Variants in CCNB3 observed in about 807,000 individuals in gnomAD.
CCNB3 encodes G2/mitotic-specific cyclin-B3.
A neutral mutation model predicts 68.0 loss-of-function variants in CCNB3; 12 were observed. The ratio of observed to expected loss-of-function variants is 0.18; its 90% CI spans 0.11 to 0.29. The LOEUF is 0.29. Among genes scored for constraint, CCNB3 ranks in the 10% least tolerant of loss-of-function variants. The pLI, the probability that CCNB3 is intolerant of heterozygous loss-of-function variation, is 1.00. For synonymous variants in CCNB3, 354 were observed against 388.9 expected (o/e 0.91, Z 1.06); for missense variants, 904 against 993.1 (o/e 0.91, Z 1.21).
chrX:50,208,868 C>T (rs73634233), intron 1 of CCNB3, among the ~76,000 whole-genome samples: 1,196 of 111,317 alleles, frequency 0.011, 23 homozygotes, highest in African/African-American at 0.035. Context: ...CATCTGGGCC[C>T]GGAGATTACT....
chrX:50,340,817 A>G (rs968097234), intron 8 of CCNB3, among the ~76,000 whole-genome samples: 1 of 111,781 alleles, frequency 8.9e-6, no homozygotes, highest in Non-Finnish European at 1.9e-5. Flanking sequence ...AGGATACATA[A>G]GAAAAAGAAA....
chrX:50,314,241 T>C (rs1173647495), intron 8 of CCNB3, among the ~76,000 whole-genome samples: 2 of 112,143 alleles, frequency 1.8e-5, no homozygotes, highest in Non-Finnish European at 3.8e-5. Flanking sequence ...CGTTTTATCA[T>C]TCTTAAAGTC....
At chrX:50,279,368 A>C (rs1380046663) in intron 1 of CCNB3, among the ~76,000 whole-genome samples, 1 of 78,154 alleles carries the variant, frequency 1.3e-5, no homozygotes, top group Non-Finnish European at 2.2e-5. Flanking sequence ...ATTTATATGA[A>C]TATATAAATA....
At chrX:50,350,563 G>A (rs1268994708) in intron 11 of CCNB3, among the ~76,000 whole-genome samples, 1 of 111,875 alleles carries the variant, frequency 8.9e-6, no homozygotes, top group Non-Finnish European at 1.9e-5. Flanking sequence ...TGTGGAGTTG[G>A]CACCTAAACT....
At chrX:50,292,378 T>C (rs1936363978) in intron 4 of CCNB3, among the ~76,000 whole-genome samples, 1 of 110,492 alleles carries the variant, frequency 9.1e-6, no homozygotes, top group East Asian at 2.8e-4. Flanking sequence ...CTCCCCACTT[T>C]GTAAAATAGA....
chrX:50,303,420 A>G (rs1429065935), intron 5 of CCNB3, among the ~76,000 whole-genome samples: 2 of 109,263 alleles, frequency 1.8e-5, no homozygotes, highest in African/African-American at 6.7e-5. Context: ...TGCTGGGATT[A>G]CAGGAGTGAG....
chrX:50,307,962 G>T, intron 5 of CCNB3, among the ~76,000 whole-genome samples: 1 of 111,740 alleles, frequency 8.9e-6, no homozygotes, highest in Non-Finnish European at 1.9e-5. Context: ...TTTGCATCTG[G>T]CACATGTGAC....
At chrX:50,335,063 A>G (rs1557218642) in intron 8 of CCNB3, among the ~76,000 whole-genome samples, 1 of 111,399 alleles carries the variant, frequency 9.0e-6, no homozygotes, top group Non-Finnish European at 1.9e-5. Context: ...CCTTTTGTGC[A>G]CCCGACTGCT....
At chrX:50,294,813 T>C in intron 4 of CCNB3, 50 bp from the exon 5 acceptor site, 2 of 1,161,844 alleles carry the variant, frequency 1.7e-6, no homozygotes, top group South Asian at 4.0e-5. Flanking sequence ...TTTTCTTCAT[T>C]TTCTTGCCTC....
At chrX:50,279,659 T>A (rs1210175461) in intron 1 of CCNB3, among the ~76,000 whole-genome samples, 1 of 79,358 alleles carries the variant, frequency 1.3e-5, no homozygotes, top group East Asian at 3.2e-4. Context: ...TTCATCTATG[T>A]AAATATATGA....
chrX:50,289,883 G>A (rs1266496560), intron 4 of CCNB3, among the ~76,000 whole-genome samples: 7 of 111,682 alleles, frequency 6.3e-5, no homozygotes, highest in African/African-American at 1.6e-4. Context: ...CCTTTAGATC[G>A]CTGCTCTTTA....
At chrX:50,311,887 T>TCTAAGCAA (rs1204042030) in intron 6 of CCNB3, among the ~76,000 whole-genome samples, 1 of 110,849 alleles carries the variant, frequency 9.0e-6, no homozygotes. Context: ...AAAGTATTTA[T>TCTAAGCAA]TCCAGTAATA....
At chrX:50,330,608 T>G (rs997907594) in intron 8 of CCNB3, among the ~76,000 whole-genome samples, 1 of 112,141 alleles carries the variant, frequency 8.9e-6, no homozygotes, top group Admixed American at 9.4e-5. Flanking sequence ...ATGAAGCTTT[T>G]TATCACTTGA....
chrX:50,309,312 G>A lies in CCNB3; in HGVS notation c.1143G>A (p.Met381Ile). The change falls in exon 6 of 13, where the codon ATG becomes ATA. Residue 381 changes from methionine (M) to isoleucine (I), a missense_variant. Met to Ile is a conservative substitution (Grantham distance 10, BLOSUM62 1). Transcript: ENST00000376042. ...CTAGCACTGAGGAGGCAATCATGATGCCAGTAATATTGAAGGAGCAGTGCA... is the reference window on the plus strand; with the variant it reads ...CTAGCACTGAGGAGGCAATCATGATACCAGTAATATTGAAGGAGCAGTGCA... ...KKPSTEEAIMMPVILKEQCMT... is the reference protein window; with the variant it reads ...KKPSTEEAIMIPVILKEQCMT... 2 of 1,211,150 alleles carry A rather than the reference G, an allele frequency of 1.7e-6. No individual in the cohort carries two copies. The highest frequency in any genetic ancestry group is 2.2e-6 in the Non-Finnish European group (2 of 895,023).
chrX:50,206,391 G>C (rs1935364755), intron 1 of CCNB3, among the ~76,000 whole-genome samples: 1 of 110,355 alleles, frequency 9.1e-6, no homozygotes, highest in Non-Finnish European at 1.9e-5. Flanking sequence ...GGGCAACATA[G>C]CAAAACTTCC....
intron 8 of CCNB3, among the ~76,000 whole-genome samples, chrX:50,339,685 A>T (rs1923029571): frequency 8.9e-6 from 1 of 111,886 alleles, no homozygotes; most frequent in Non-Finnish European, 1.9e-5. Context: ...ATATATAAGC[A>T]TGGCACTGCT....
intron 8 of CCNB3, among the ~76,000 whole-genome samples, chrX:50,320,000 G>T (rs4826615): frequency 0.19 from 21,359 of 110,203 alleles, 1,987 homozygotes; most frequent in East Asian, 0.4. Context: ...GGTATTGCTG[G>T]ATTTGATTTG....
intron 3 of CCNB3, among the ~76,000 whole-genome samples, chrX:50,286,448 T>TG (rs775536247): frequency 9.2e-6 from 1 of 109,102 alleles, no homozygotes; most frequent in African/African-American, 3.3e-5. Context: ...TACAGGCGCC[T>TG]GCCACCATGC....
intron 1 of CCNB3, among the ~76,000 whole-genome samples, chrX:50,227,966 AATAT>A (rs1935938970): frequency 1.2e-5 from 1 of 83,269 alleles, no homozygotes; most frequent in Admixed American, 1.6e-4. Context: ...TATATATATA[AATAT>A]ATAGAGAGAA....
Sources: gnomAD v4.1 joint callset for allele counts (sites outside exome capture counted in the v4.1 genomes callset) on GRCh38, gnomAD v4.1.1 for gene constraint, MANE v1.5 for transcripts, NCBI Gene and HGNC (gene_info 2026-07-23, HGNC 2026-07-21) for gene names.